DDB2: variants seen among roughly 807,000 people sequenced by gnomAD.
The protein encoded by DDB2 is DNA damage-binding protein 2.
DDB2 carries 27 observed loss-of-function variants against 50.5 expected under a neutral mutation model. That is an observed-to-expected ratio of 0.53 (90% CI 0.39 to 0.74). DDB2 has a LOEUF of 0.74. Among genes scored for constraint, DDB2 ranks in the 30% least tolerant of loss-of-function variants. The pLI, the probability that DDB2 is intolerant of heterozygous loss-of-function variation, is 0.00. For missense variants in DDB2, 424 were observed against 545.6 expected, an observed-to-expected ratio of 0.78 and a Z score of 2.22; for synonymous variants, 176 against 205.5, an observed-to-expected ratio of 0.86 and a Z score of 1.23.
intron 1 of DDB2, 86 bp downstream of exon 1, chr11:47,215,349 C>T: frequency 6.2e-7 from 1 of 1,601,946 alleles, no homozygotes; most frequent in South Asian, 1.1e-5. Context: ...TGCTCCGAGG[C>T]TCCCGAGGCC....
chr11:47,216,384 GC>G lies in DDB2; in HGVS notation c.179del (p.Pro60HisfsTer103). 6.2e-7 allele frequency: 1 copy of G among 1,614,142 alleles called. No individual in the cohort carries two copies. The highest frequency in any genetic ancestry group is 8.5e-7 in the Non-Finnish European group (1 of 1,180,034). ...DSDCLWVGLA[G>X]PQILPPCRSI... ...GACTGCCTCTGGGTGGGGCTGGCTG[GC>G]CCACAGATCCTGCCACCATGCCGCA... On this transcript the variant is annotated frameshift_variant, in exon 2 of 10. Transcript: ENST00000256996. LOFTEE classifies it high-confidence loss of function.
intron 4 of DDB2, among the ~76,000 whole-genome samples, chr11:47,234,046 CT>C: frequency 6.6e-6 from 1 of 152,256 alleles, no homozygotes; most frequent in South Asian, 2.1e-4. Context: ...CTGAAGCACC[CT>C]CCTAGTCAGC....
chr11:47,232,677 G>A (rs1395328080), intron 3 of DDB2, 137 bp from the exon 4 acceptor site: 11 of 854,388 alleles, frequency 1.3e-5, no homozygotes, highest in South Asian at 6.7e-5. Flanking sequence ...TGTAGAGAGC[G>A]TCCTAGTGTC....
intron 7 of DDB2, among the ~76,000 whole-genome samples, chr11:47,236,390 A>T (rs1313930934): frequency 6.6e-6 from 1 of 152,156 alleles, no homozygotes; most frequent in Non-Finnish European, 1.5e-5. Flanking sequence ...TTTTTGCCTA[A>T]GCCCCCATGC....
intron 3 of DDB2, among the ~76,000 whole-genome samples, chr11:47,230,195 G>T (rs1953626910): frequency 6.6e-6 from 1 of 151,780 alleles, no homozygotes; most frequent in African/African-American, 2.4e-5. Context: ...AGCTACTTGG[G>T]AGGCTGAGGC....
At chr11:47,221,495 A>G (rs1410632026) in intron 3 of DDB2, among the ~76,000 whole-genome samples, 1 of 152,090 alleles carries the variant, frequency 6.6e-6, no homozygotes. Flanking sequence ...CCCAGGCTGG[A>G]GTGCAGTAGC....
chr11:47,236,761 AAAT>A (rs1953731261), intron 7 of DDB2, among the ~76,000 whole-genome samples: 1 of 152,214 alleles, frequency 6.6e-6, no homozygotes, highest in South Asian at 2.1e-4. Flanking sequence ...AGCTCTTAAT[AAAT>A]AATGTCAAGA....
At chr11:47,228,226 C>T (rs1953587960) in intron 3 of DDB2, among the ~76,000 whole-genome samples, 3 of 149,508 alleles carry the variant, frequency 2.0e-5, no homozygotes, top group Non-Finnish European at 4.4e-5. Flanking sequence ...CTGAGTGCAC[C>T]ACTGCAGTCC....
At chr11:47,229,780 T>G (rs1224907323) in intron 3 of DDB2, 3 of 421,060 alleles carry the variant, frequency 7.1e-6, no homozygotes, top group South Asian at 5.3e-5. Context: ...CTTAATCTTT[T>G]ATAAGTATCT....
At chr11:47,222,497 C>T (rs1156642936) in intron 3 of DDB2, among the ~76,000 whole-genome samples, 1 of 152,158 alleles carries the variant, frequency 6.6e-6, no homozygotes, top group Non-Finnish European at 1.5e-5. Flanking sequence ...GCACAGGCCA[C>T]CATACCTGGC....
intron 3 of DDB2, among the ~76,000 whole-genome samples, chr11:47,219,911 C>T (rs1168859195): frequency 6.6e-6 from 1 of 152,156 alleles, no homozygotes; most frequent in Non-Finnish European, 1.5e-5. Flanking sequence ...CCTCAGCCTC[C>T]GAAGTAGCTG....
chr11:47,218,195 A>G (rs575128912), intron 3 of DDB2, among the ~76,000 whole-genome samples: 8 of 152,050 alleles, frequency 5.3e-5, no homozygotes, highest in Non-Finnish European at 1.2e-4. Flanking sequence ...GTTTCCCCCA[A>G]GTGTTGATGG....
Position 47,238,948 on chromosome 11 carries a change from T to A in DDB2, c.*99T>A. Reference sequence around the variant, plus strand: ...TGGCGATTTGTTAAAGGGCCAAAAGTATCCAAGGTTAGGGTTGGAGCAGGG... The same window carrying A: ...TGGCGATTTGTTAAAGGGCCAAAAGAATCCAAGGTTAGGGTTGGAGCAGGG... On this transcript the variant is annotated 3_prime_UTR_variant, in exon 10 of 10. Transcript: ENST00000256996. 7.7e-7 allele frequency: 1 copy of A among 1,303,740 alleles called. No homozygotes were observed. Among genetic ancestry groups the A allele is most frequent in the Non-Finnish European group, 1.1e-6 (1 of 918,804 alleles). 80.8% of individuals were successfully genotyped at this position (1,303,740 alleles called of 1,614,324 possible).
chr11:47,224,731 ATCCC>A (rs902896805), intron 3 of DDB2, among the ~76,000 whole-genome samples: 2 of 150,432 alleles, frequency 1.3e-5, no homozygotes, highest in Non-Finnish European at 3.0e-5. Context: ...TCTGCTGTCA[ATCCC>A]TCCCTCCCTC....
rs574783690 is a variant in DDB2, at chr11:47,224,673, C to T, written c.456+7624C>T. ...TTCATTTTTGTCTTTTTCCCTGTTTCATTTTGTGCAGTTGTTCACTGATCT... is the reference window on the plus strand; with the variant it reads ...TTCATTTTTGTCTTTTTCCCTGTTTTATTTTGTGCAGTTGTTCACTGATCT... On this transcript the variant is annotated intron_variant, in intron 3 of 9. Coordinates refer to ENST00000256996, the MANE Select transcript of DDB2 (RefSeq NM_000107.3). Among the ~76,000 whole-genome samples the T allele has an allele frequency of 2.6e-4, 39 of 152,266 alleles. 1 individual carries two copies. In the South Asian group the frequency reaches 7.9e-3, roughly 31 times the overall value.
rs1301607305 is a variant in DDB2 at position 47,232,954 on chromosome 11, C to T, written c.597C>T (p.Thr199=). 3 of 1,614,076 alleles carry T rather than the reference C, an allele frequency of 1.9e-6. No individual in the cohort carries two copies. The highest frequency in any genetic ancestry group is 2.5e-6 in the Non-Finnish European group (3 of 1,180,040). ...NILRVFASSD[T]INIWFCSLDV... The stretch of plus-strand genomic sequence containing the variant: ...TACGAGTTTTTGCCAGCTCAGACAC[C>T]ATCAAGTGAGTAGTTTAACTAGCAG... The change falls in exon 4 of 10, where the codon ACC becomes ACT. Residue 199 remains threonine (T), a synonymous_variant. Coordinates refer to ENST00000256996, the MANE Select transcript of DDB2 (RefSeq NM_000107.3).
At chr11:47,218,656 G>T (rs1224513837) in intron 3 of DDB2, among the ~76,000 whole-genome samples, 1 of 151,994 alleles carries the variant, frequency 6.6e-6, no homozygotes, top group African/African-American at 2.4e-5. Context: ...CCAGCTGGTG[G>T]CTGACATTGG....
intron 3 of DDB2, among the ~76,000 whole-genome samples, chr11:47,228,055 G>T (rs529187209): frequency 1.4e-5 from 2 of 147,150 alleles, no homozygotes; most frequent in South Asian, 4.3e-4. Flanking sequence ...CAAGAGAATC[G>T]TTTGAACTTG....
chr11:47,231,586 C>G (rs4647736), intron 3 of DDB2, among the ~76,000 whole-genome samples: 5 of 152,170 alleles, frequency 3.3e-5, no homozygotes, highest in African/African-American at 1.2e-4. Flanking sequence ...TGCAGTGATT[C>G]GATCGCAACT....
Sources: gnomAD v4.1 joint callset for allele counts (sites outside exome capture counted in the v4.1 genomes callset) on GRCh38, gnomAD v4.1.1 for gene constraint, MANE v1.5 for transcripts, NCBI Gene and HGNC (gene_info 2026-07-23, HGNC 2026-07-21) for gene names.